TRAF2: variants seen among roughly 807,000 people sequenced by gnomAD.
TRAF2 encodes TNF receptor associated factor 2.
A neutral mutation model predicts 55.6 loss-of-function variants in TRAF2; 6 were observed. That is an observed-to-expected ratio of 0.11 (90% CI 0.06 to 0.21). The LOEUF (loss-of-function observed/expected upper bound fraction) is 0.21. Ranked by LOEUF, TRAF2 falls within the 10% of genes least tolerant of loss-of-function variation. The pLI, the probability that TRAF2 is intolerant of heterozygous loss-of-function variation, is 1.00. For synonymous variants in TRAF2, 329 were observed against 276.3 expected, an observed-to-expected ratio of 1.19 and a Z score of -1.89; for missense variants, 561 against 684.5, an observed-to-expected ratio of 0.82 and a Z score of 2.01.
At chr9:136,894,519 G>A (rs555519677) in intron 1 of TRAF2, among the ~76,000 whole-genome samples, 29 of 152,202 alleles carry the variant, frequency 1.9e-4, no homozygotes, top group African/African-American at 6.5e-4. Context: ...AGATCCATAG[G>A]GACCAGCACC....
chr9:136,925,745 C>T lies in TRAF2; in HGVS notation c.1350C>T (p.Asp450=), dbSNP rs756823534. The change falls in exon 11 of 11, where the codon GAC becomes GAT. Residue 450 remains aspartate, a synonymous_variant. Transcript: ENST00000247668. The part of the protein sequence containing the change: ...REHVIDAFRP[D]VTSSSFQRPV... ...ACGTGATTGACGCCTTCAGGCCCGA[C>T]GTGACTTCATCCTCTTTTCAGAGGC... 22 of 1,614,142 alleles carry T rather than the reference C, an allele frequency of 1.4e-5. No homozygotes were observed. Among genetic ancestry groups the T allele is most frequent in the African/African-American group, 5.3e-5 (4 of 74,954 alleles).
chr9:136,909,713 C>T (rs965507834), intron 5 of TRAF2, among the ~76,000 whole-genome samples: 4 of 152,220 alleles, frequency 2.6e-5, no homozygotes, highest in African/African-American at 9.6e-5. Context: ...CCTGAGCTGG[C>T]AGAACAAACA....
chr9:136,904,190 C>T (rs1285159086), intron 4 of TRAF2, among the ~76,000 whole-genome samples: 1 of 152,172 alleles, frequency 6.6e-6, no homozygotes, highest in African/African-American at 2.4e-5. Flanking sequence ...CATATCATTT[C>T]ACCTATGAGC....
chr9:136,912,113 A>G (rs1320530534), intron 6 of TRAF2, among the ~76,000 whole-genome samples: 2 of 147,622 alleles, frequency 1.4e-5, no homozygotes, highest in Non-Finnish European at 3.0e-5. Context: ...TCGGCTCCCA[A>G]AGTGCTGGGA....
chr9:136,916,172 A>G (rs2131321951), intron 6 of TRAF2, among the ~76,000 whole-genome samples: 1 of 152,142 alleles, frequency 6.6e-6, no homozygotes, highest in Non-Finnish European at 1.5e-5. Context: ...ACCACCACGC[A>G]CCGGGTGAGC....
chr9:136,908,216 C>T lies in TRAF2; in HGVS notation c.513C>T (p.Cys171=), dbSNP rs1166229646. 8 of 1,590,896 alleles carry T rather than the reference C, an allele frequency of 5.0e-6. No homozygotes were observed. Among genetic ancestry groups the T allele is most frequent in the East Asian group, 4.5e-5 (2 of 44,412 alleles). Reference sequence around the variant, plus strand: ...GCCGGCATTGCCGGGCACCCTGCTGCGGAGCAGACGTGAAGGTGCGTGGGG... The same window carrying T: ...GCCGGCATTGCCGGGCACCCTGCTGTGGAGCAGACGTGAAGGTGCGTGGGG... The part of the protein sequence containing the change: ...LSCRHCRAPC[C]GADVKAHHEV... The change falls in exon 5 of 11, where the codon TGC becomes TGT. Residue 171 remains cysteine, a synonymous_variant. Transcript: ENST00000247668.
chr9:136,910,632 T>C (rs1850080961), intron 6 of TRAF2, among the ~76,000 whole-genome samples: 1 of 152,212 alleles, frequency 6.6e-6, no homozygotes, highest in Non-Finnish European at 1.5e-5. Context: ...GCACCTGCTC[T>C]GTGTGTCAGA....
chr9:136,915,877 C>T (rs1413427795), intron 6 of TRAF2, among the ~76,000 whole-genome samples: 1 of 152,188 alleles, frequency 6.6e-6, no homozygotes, highest in Admixed American at 6.5e-5. Flanking sequence ...CGTTTCCCTC[C>T]TTCCGGGTAT....
chr9:136,894,443 T>C (rs1212019158), intron 1 of TRAF2, among the ~76,000 whole-genome samples: 1 of 152,196 alleles, frequency 6.6e-6, no homozygotes. Context: ...CTCGGAAGGC[T>C]GCTGGGCCTT....
At chr9:136,893,226 A>G (rs1420410148) in intron 1 of TRAF2, among the ~76,000 whole-genome samples, 1 of 152,200 alleles carries the variant, frequency 6.6e-6, no homozygotes, top group African/African-American at 2.4e-5. Context: ...GACCTTGAGC[A>G]CTGGGCAGGC....
chr9:136,901,482 AGT>A (rs2131295579), intron 4 of TRAF2, among the ~76,000 whole-genome samples: 1 of 152,336 alleles, frequency 6.6e-6, no homozygotes, highest in Non-Finnish European at 1.5e-5. Flanking sequence ...CTCTGAGGAC[AGT>A]GTGCTGAGTG....
At chr9:136,905,041 G>T (rs1158084463) in intron 4 of TRAF2, among the ~76,000 whole-genome samples, 1 of 152,230 alleles carries the variant, frequency 6.6e-6, no homozygotes, top group African/African-American at 2.4e-5. Flanking sequence ...TCCCTGGGGA[G>T]GTTGAATGGA....
upstream of TRAF2, among the ~76,000 whole-genome samples, chr9:136,882,256 G>A (rs551997123): frequency 6.6e-6 from 1 of 152,314 alleles, no homozygotes; most frequent in South Asian, 2.1e-4. Flanking sequence ...ACAGAGGGCA[G>A]ACGCAGCCGC....
At chr9:136,912,745 G>A (rs551510602) in intron 6 of TRAF2, among the ~76,000 whole-genome samples, 12 of 61,032 alleles carry the variant, frequency 2.0e-4, no homozygotes, top group African/African-American at 9.0e-4. Flanking sequence ...GCTGAGGTGC[G>A]AAAATTGCTT....
At chr9:136,915,107 A>C (rs1469725370) in intron 6 of TRAF2, among the ~76,000 whole-genome samples, 1 of 152,140 alleles carries the variant, frequency 6.6e-6, no homozygotes, top group East Asian at 1.9e-4. Context: ...TGAACCTGGG[A>C]GGCAGAGGTT....
At chr9:136,918,251 A>ATATATATTTATT (rs1554781759) in intron 7 of TRAF2, among the ~76,000 whole-genome samples, 1 of 43,716 alleles carries the variant, frequency 2.3e-5, no homozygotes, top group African/African-American at 1.5e-4. Context: ...ATATATATAT[A>ATATATATTTATT]TATATATTTA....
intron 6 of TRAF2, among the ~76,000 whole-genome samples, chr9:136,911,118 G>A (rs1386520698): frequency 6.6e-6 from 1 of 152,242 alleles, no homozygotes; most frequent in Non-Finnish European, 1.5e-5. Context: ...GGAGTTAGGA[G>A]GTGATTCTTT....
At chr9:136,899,994 C>T (rs766234002) in intron 3 of TRAF2, among the ~76,000 whole-genome samples, 6 of 152,114 alleles carry the variant, frequency 3.9e-5, no homozygotes, top group Non-Finnish European at 7.4e-5. Flanking sequence ...GGTGAAACCC[C>T]ATCTCTACCA....
At position 136,926,245 on chromosome 9, in the gene TRAF2, TC is replaced by T; in HGVS notation, c.*347del. 1 of 423,096 alleles carries T rather than the reference TC, an allele frequency of 2.4e-6. No individual in the cohort carries two copies. Among genetic ancestry groups the T allele is most frequent in the South Asian group, 2.0e-5 (1 of 51,232 alleles). The allele number at this position is 423,096 out of a possible 1,614,324, so 26.2% of individuals were successfully genotyped here. A position where few individuals can be genotyped will look rare whatever the true frequency, so the allele number is the denominator to read the frequency against. On this transcript the variant is annotated 3_prime_UTR_variant, in exon 11 of 11. Coordinates refer to ENST00000247668, the MANE Select transcript of TRAF2 (RefSeq NM_021138.4). The stretch of plus-strand genomic sequence containing the variant: ...GGGGGACACTCAGAGTGGGAGCACA[TC>T]CCAGCAGTGCCCATGTAGCAGGAGC...
Sources: allele counts gnomAD v4.1 joint callset (sites outside exome capture counted in the v4.1 genomes callset), GRCh38; gene constraint gnomAD v4.1.1; transcripts MANE v1.5; gene names NCBI Gene and HGNC (gene_info 2026-07-23, HGNC 2026-07-21).